Variants in DNAH11 observed in about 807,000 individuals in gnomAD.
The protein encoded by DNAH11 is axonemal beta dynein heavy chain 11.
DNAH11 carries 442 observed loss-of-function variants against 526.0 expected under a neutral mutation model. The ratio of observed to expected loss-of-function variants is 0.84; its 90% CI spans 0.78 to 0.91. DNAH11 has a LOEUF of 0.91. Ranked by LOEUF, DNAH11 falls within the 40% of genes least tolerant of loss-of-function variation. The pLI, the probability that DNAH11 is intolerant of heterozygous loss-of-function variation, is 0.00. For synonymous variants in DNAH11, 2,461 were observed against 1,935.9 expected (o/e 1.27, Z -7.12); for missense variants, 6,989 against 5,448.7 (o/e 1.28, Z -8.90).
Position 21,858,427 on chromosome 7 carries a change from T to C in DNAH11, c.11203-3426T>C, listed in dbSNP as rs144216329. On this transcript the variant is annotated intron_variant, in intron 68 of 81. Coordinates refer to ENST00000409508, the MANE Select transcript of DNAH11 (RefSeq NM_001277115.2). ...CTGCAAAAAGCTTAACAAATGTTCA[T>C]AGATGCTTTATTCATAAAAGCCAAA... Among the ~76,000 whole-genome samples, 156 of 152,338 alleles carry C rather than the reference T, an allele frequency of 1.0e-3. 2 individuals carry two copies. The highest frequency in any genetic ancestry group is 3.7e-3 in the African/African-American group (152 of 41,568).
rs963927711 is a variant in DNAH11, at chr7:21,598,761, C to T, written c.2668-1026C>T. ...TCCAATCCTTACCCTCCTTTAGATC[C>T]CAGTGTGTGTTGTGCCCCTCTATGT... On this transcript the variant is annotated intron_variant, in intron 14 of 81. Transcript: ENST00000409508. Among the ~76,000 whole-genome samples the T allele has an allele frequency of 2.6e-5, 4 of 152,242 alleles. No individual in the cohort carries two copies. In the East Asian group the frequency reaches 5.8e-4, roughly 22 times the overall value.
rs117707810 is a variant in DNAH11, at chr7:21,740,758, T to C, written c.7914+1085T>C. Among the ~76,000 whole-genome samples the C allele has an allele frequency of 3.1e-4, 47 of 152,318 alleles. No homozygotes were observed. In the East Asian group the frequency reaches 8.1e-3, roughly 26 times the overall value. On this transcript the variant is annotated intron_variant, in intron 48 of 81. Transcript: ENST00000409508. ...TACACCCAGCAATACAATTGCTGCA[T>C]CATATCGGAATTCTACTTTTAATTT...
rs1784540264 is a variant in DNAH11, at chr7:21,588,182, A to G, written c.1829A>G (p.Tyr610Cys). 2.5e-6 allele frequency: 4 copies of G among 1,612,670 alleles called. No individual in the cohort carries two copies. The highest frequency in any genetic ancestry group is 2.5e-6 in the Non-Finnish European group (3 of 1,179,444). ...GAGCTGGATGTGTGTAAGCAACTGT[A>G]TAATGAACACATGAAACAGGTAAGT... The part of the protein sequence containing the change: ...NTELDVCKQL[Y>C]NEHMKQIECG... Residue 610 changes from tyrosine (Y) to cysteine (C), a missense_variant, in exon 10 of 82, where the codon TAT (tyrosine) becomes TGT (cysteine). By Grantham distance (194) the Tyr-to-Cys change is radical (BLOSUM62 -2). Transcript: ENST00000409508.
chr7:21,827,935 G>A (rs551694925), intron 65 of DNAH11, among the ~76,000 whole-genome samples: 124 of 151,794 alleles, frequency 8.2e-4, no homozygotes, highest in Non-Finnish European at 1.3e-3. Context: ...GGAAGCTTAC[G>A]GATTTTTTTT....
intron 49 of DNAH11, among the ~76,000 whole-genome samples, chr7:21,744,077 A>G (rs559219702): frequency 1.3e-5 from 2 of 151,176 alleles, no homozygotes; most frequent in South Asian, 2.1e-4. Context: ...AAGTGATTTT[A>G]TAGTAAAAAA....
At position 21,572,533 on chromosome 7, in the gene DNAH11, G is replaced by A. The variant is rs116835360; in HGVS notation, c.1593+560G>A. Among the ~76,000 whole-genome samples the A allele has an allele frequency of 2.6e-3, 402 of 152,298 alleles. 1 individual carries two copies. The highest frequency in any genetic ancestry group is 9.3e-3 in the African/African-American group (387 of 41,574). On this transcript the variant is annotated intron_variant, in intron 8 of 81. Transcript: ENST00000409508. ...TTAGTAGCCAGGGAGCTACCTGTGA[G>A]CATCCCTGCAGTTCTAGGATAAAAA... is the stretch of plus-strand genomic sequence containing the variant.
chr7:21,853,347 G>A (rs182887396), intron 67 of DNAH11, among the ~76,000 whole-genome samples: 2 of 152,096 alleles, frequency 1.3e-5, no homozygotes, highest in South Asian at 2.1e-4. Context: ...GTGTCACTAC[G>A]CATCCTTTAT....
chr7:21,640,758 A>G (rs184620877), intron 28 of DNAH11, among the ~76,000 whole-genome samples: 49 of 152,230 alleles, frequency 3.2e-4, no homozygotes, highest in African/African-American at 1.1e-3. Flanking sequence ...GCAACTCAGC[A>G]TATTCTAGTT....
chr7:21,722,883 C>T (rs1224995945), intron 44 of DNAH11, among the ~76,000 whole-genome samples: 1 of 152,094 alleles, frequency 6.6e-6, no homozygotes, highest in Non-Finnish European at 1.5e-5. Flanking sequence ...ATGTTGATAG[C>T]GGACATCTTC....
At chr7:21,745,765 T>C (rs918417635) in intron 51 of DNAH11, among the ~76,000 whole-genome samples, 1 of 151,780 alleles carries the variant, frequency 6.6e-6, no homozygotes, top group East Asian at 1.9e-4. Context: ...AGAAGGAAAA[T>C]AGGTTGATTC....
intron 28 of DNAH11, among the ~76,000 whole-genome samples, chr7:21,653,284 G>A (rs182871733): frequency 1.3e-5 from 2 of 152,116 alleles, no homozygotes; most frequent in African/African-American, 4.8e-5. Context: ...ATTAAAAATA[G>A]AACAAATCTG....
At chr7:21,627,831 A>G (rs1462896211) in intron 25 of DNAH11, among the ~76,000 whole-genome samples, 1 of 152,188 alleles carries the variant, frequency 6.6e-6, no homozygotes, top group Non-Finnish European at 1.5e-5. Context: ...TGGTATTTTG[A>G]TAGAGATTGC....
At chr7:21,700,998 A>G (rs1784033437) in intron 36 of DNAH11, among the ~76,000 whole-genome samples, 1 of 152,092 alleles carries the variant, frequency 6.6e-6, no homozygotes, top group South Asian at 2.1e-4. Context: ...TAGAAGAAAT[A>G]CCTAATGTAG....
In DNAH11 at chr7:21,778,939, A is replaced by G; in HGVS notation, c.9337-19A>G. On this transcript the variant is annotated intron_variant, in intron 56 of 81. Coordinates refer to ENST00000409508, the MANE Select transcript of DNAH11 (RefSeq NM_001277115.2). The stretch of plus-strand genomic sequence containing the variant: ...TGTGAACAAGGCCAGTGACGTAAGA[A>G]TAATGACTTTTGCTTTAGGTGGGAG... The G allele has an allele frequency of 4.3e-6, 7 of 1,611,626 alleles. No homozygotes were observed. Among genetic ancestry groups the G allele is most frequent in the Non-Finnish European group, 8.5e-7 (1 of 1,178,192 alleles).
At chr7:21,862,141 G>A in intron 69 of DNAH11, 118 bp downstream of exon 69, 2 of 959,156 alleles carry the variant, frequency 2.1e-6, no homozygotes, top group East Asian at 2.8e-5. Context: ...TTTTTTGGAA[G>A]CCCTTGGTGG....
intron 65 of DNAH11, among the ~76,000 whole-genome samples, 181 bp from the exon 66 acceptor site, chr7:21,842,363 A>G (rs1245101156): frequency 1.3e-5 from 2 of 152,178 alleles, no homozygotes; most frequent in South Asian, 4.1e-4. Flanking sequence ...AATCATATAG[A>G]GATTTGCTGG....
rs1783076744 is a variant in DNAH11 at position 21,861,894 on chromosome 7, C to G, written c.11244C>G (p.Asp3748Glu). The G allele has an allele frequency of 1.2e-6, 2 of 1,613,436 alleles. No individual in the cohort carries two copies. The highest frequency in any genetic ancestry group is 1.7e-6 in the Non-Finnish European group (2 of 1,179,750). The stretch of plus-strand genomic sequence containing the variant: ...TCCACAGAGCGATCGAGCAGGCTGA[C>G]AAGGTGGAAGACATGCAGGGACGCA... Reference protein sequence around the residue: ...VLFHRAIEQADKVEDMQGRIS... With the variant: ...VLFHRAIEQAEKVEDMQGRIS... Residue 3748 changes from aspartate (D) to glutamate (E), a missense_variant, in exon 69 of 82, where the codon GAC becomes GAG. By Grantham distance (45) the Asp-to-Glu change is conservative. Transcript: ENST00000409508.
Position 21,655,845 on chromosome 7 carries a change from T to G in DNAH11, c.4958T>G (p.Leu1653Arg). 6.2e-7 allele frequency: 1 copy of G among 1,613,032 alleles called. No individual in the cohort carries two copies. The highest frequency in any genetic ancestry group is 8.5e-7 in the Non-Finnish European group (1 of 1,179,406). Residue 1653 changes from leucine (L) to arginine (R), a missense_variant, in exon 29 of 82, where the codon CTT (leucine) becomes CGT (arginine). Coordinates refer to ENST00000409508, the MANE Select transcript of DNAH11 (RefSeq NM_001277115.2). ...GAQPKQVTCH[L>R]AKLFDSIADL... ...TTCTCATTTTAGGTAACATGTCACC[T>G]TGCCAAACTTTTCGACAGCATTGCA...
chr7:21,618,987 C>T, intron 23 of DNAH11, 113 bp from the exon 24 acceptor site: 1 of 1,356,606 alleles, frequency 7.4e-7, no homozygotes, highest in Non-Finnish European at 1.0e-6. Context: ...GAGAGATGTA[C>T]TCAGCACCTG....
Sources: allele counts gnomAD v4.1 joint callset (sites outside exome capture counted in the v4.1 genomes callset), GRCh38; gene constraint gnomAD v4.1.1; transcripts MANE v1.5; gene names NCBI Gene and HGNC (gene_info 2026-07-23, HGNC 2026-07-21).